Variants in TECRL observed in about 807,000 individuals in gnomAD.
TECRL encodes trans-2,3-enoyl-CoA reductase-like.
In TECRL, 63 loss-of-function variants were observed where a neutral mutation model predicts 52.8. The ratio of observed to expected loss-of-function variants is 1.19; its 90% confidence interval spans 0.97 to 1.47. TECRL has a LOEUF of 1.47. Among genes scored for constraint, TECRL ranks in the 40% most tolerant of loss-of-function variants. The pLI is 0.00. For synonymous variants in TECRL, 164 were observed against 141.9 expected (o/e 1.16, Z -1.10); for missense variants, 482 against 429.6 (o/e 1.12, Z -1.08).
At chr4:64,359,667 T>C (rs991809076) in intron 2 of TECRL, among the ~76,000 whole-genome samples, 6 of 152,016 alleles carry the variant, frequency 3.9e-5, no homozygotes, top group African/African-American at 1.2e-4. Flanking sequence ...TTTCATGCAC[T>C]TCAAGAATGA....
At chr4:64,343,461 T>C (rs1462703315) in intron 2 of TECRL, among the ~76,000 whole-genome samples, 1 of 152,088 alleles carries the variant, frequency 6.6e-6, no homozygotes, top group Non-Finnish European at 1.5e-5. Flanking sequence ...AAACATATTC[T>C]TACAGTCAAA....
intron 1 of TECRL, among the ~76,000 whole-genome samples, chr4:64,378,813 C>T (rs1312489596): frequency 1.3e-5 from 2 of 151,934 alleles, no homozygotes; most frequent in African/African-American, 4.8e-5. Context: ...GGTTTCTCTT[C>T]AGATCATATA....
chr4:64,289,497 G>A (rs921295576), intron 9 of TECRL, among the ~76,000 whole-genome samples: 1 of 152,152 alleles, frequency 6.6e-6, no homozygotes, highest in South Asian at 2.1e-4. Flanking sequence ...GAGGGTGATA[G>A]CGTGCATGCA....
At chr4:64,300,113 T>A in intron 7 of TECRL, 96 bp from the exon 8 acceptor site, 1 of 877,094 alleles carries the variant, frequency 1.1e-6, no homozygotes, top group Non-Finnish European at 1.7e-6. Flanking sequence ...GGGTATAAAT[T>A]CTATAATCAA....
At chr4:64,384,037 C>A (rs1723003201) in intron 1 of TECRL, among the ~76,000 whole-genome samples, 1 of 151,998 alleles carries the variant, frequency 6.6e-6, no homozygotes, top group South Asian at 2.1e-4. Flanking sequence ...GCTTAGGCTG[C>A]ACTTGTAGGT....
chr4:64,354,998 A>C (rs1014296356), intron 2 of TECRL, among the ~76,000 whole-genome samples: 1 of 152,208 alleles, frequency 6.6e-6, no homozygotes, highest in Non-Finnish European at 1.5e-5. Flanking sequence ...AGTAGAGTGG[A>C]AGTGAATATT....
At chr4:64,352,000 C>G (rs535059861) in intron 2 of TECRL, among the ~76,000 whole-genome samples, 8 of 80,838 alleles carry the variant, frequency 9.9e-5, no homozygotes, top group Non-Finnish European at 2.1e-4. Context: ...CTACCTAGCC[C>G]TGAAAAGAAA....
At chr4:64,285,669 T>C (rs1367976400) in intron 9 of TECRL, among the ~76,000 whole-genome samples, 4 of 152,100 alleles carry the variant, frequency 2.6e-5, no homozygotes, top group Non-Finnish European at 5.9e-5. Context: ...AATCAAAAGA[T>C]GAGAGTTCAC....
chr4:64,290,700 T>C (rs983578819), intron 8 of TECRL, among the ~76,000 whole-genome samples: 5 of 152,204 alleles, frequency 3.3e-5, no homozygotes, highest in African/African-American at 1.2e-4. Flanking sequence ...AAATAACTGG[T>C]ATATATTTCA....
intron 1 of TECRL, among the ~76,000 whole-genome samples, chr4:64,385,653 C>A (rs1015711156): frequency 6.6e-6 from 1 of 152,006 alleles, no homozygotes; most frequent in Non-Finnish European, 1.5e-5. Context: ...GGCCCCAAGG[C>A]AGGATATAAT....
chr4:64,297,488 G>A (rs1723754947), intron 8 of TECRL, among the ~76,000 whole-genome samples: 2 of 150,860 alleles, frequency 1.3e-5, no homozygotes, highest in Admixed American at 1.3e-4. Flanking sequence ...TGGTTGAATT[G>A]CATATTATAT....
In TECRL at chr4:64,409,221, C is replaced by T; in HGVS notation, c.131G>A (p.Gly44Asp). The T allele has an allele frequency of 1.9e-6, 3 of 1,612,798 alleles. No individual in the cohort carries two copies. The highest frequency in any genetic ancestry group is 2.2e-5 in the East Asian group (1 of 44,756). ...HFLSKLVLSAGPLRPTPAVKH... is the reference protein window; with the variant it reads ...HFLSKLVLSADPLRPTPAVKH... Reference sequence around the variant, plus strand: ...GACTGCTGGAGTTGGTCTTAGAGGGCCCGCTGAGAGTACAAGTTTTGACAA... The same window carrying T: ...GACTGCTGGAGTTGGTCTTAGAGGGTCCGCTGAGAGTACAAGTTTTGACAA... Residue 44 changes from glycine to aspartate, a missense_variant, in exon 1 of 12, where the codon GGC (glycine) becomes GAC (aspartate). By Grantham distance (94) the Gly-to-Asp change is moderately conservative. Coordinates refer to ENST00000381210, the MANE Select transcript of TECRL (RefSeq NM_001010874.5).
At chr4:64,342,270 T>A (rs1435345947) in intron 2 of TECRL, among the ~76,000 whole-genome samples, 1 of 152,140 alleles carries the variant, frequency 6.6e-6, no homozygotes, top group African/African-American at 2.4e-5. Context: ...TGTTGTGAAA[T>A]CTCCATGAGA....
intron 8 of TECRL, among the ~76,000 whole-genome samples, chr4:64,290,621 A>G (rs1394752751): frequency 6.6e-6 from 1 of 151,972 alleles, no homozygotes; most frequent in Non-Finnish European, 1.5e-5. Context: ...CTTTTCAACC[A>G]TTTCTGTATG....
At chr4:64,300,845 ATCT>A (rs1461589557) in intron 7 of TECRL, among the ~76,000 whole-genome samples, 1 of 151,042 alleles carries the variant, frequency 6.6e-6, no homozygotes, top group Non-Finnish European at 1.5e-5. Flanking sequence ...CGGTAATTGA[ATCT>A]TCATAATAAT....
chr4:64,328,542 G>T lies in TECRL; in HGVS notation c.301C>A (p.Pro101Thr). Residue 101 changes from proline to threonine, a missense_variant, in exon 3 of 12, where the codon CCT (proline) becomes ACT (threonine). Coordinates refer to ENST00000381210, the MANE Select transcript of TECRL (RefSeq NM_001010874.5). ...TCTAGCTGCAGACCAACTCGAGAAG[G>T]GTACCACTTTGGACCTATTCAATGA... is the stretch of plus-strand genomic sequence containing the variant. ...KFHKACPKWYPSRVGLQLECG... is the reference protein window; with the variant it reads ...KFHKACPKWYTSRVGLQLECG... 4 of 1,610,968 alleles carry T rather than the reference G, an allele frequency of 2.5e-6. No homozygotes were observed. Among genetic ancestry groups the T allele is most frequent in the Non-Finnish European group, 3.4e-6 (4 of 1,178,012 alleles).
At chr4:64,375,889 A>C (rs1414676917) in intron 1 of TECRL, among the ~76,000 whole-genome samples, 1 of 151,936 alleles carries the variant, frequency 6.6e-6, no homozygotes, top group African/African-American at 2.4e-5. Flanking sequence ...CTAAAGTTCC[A>C]TGCAAATACT....
chr4:64,278,806 T>G lies in TECRL; in HGVS notation c.*1266A>C, dbSNP rs1447564629. ...CCTGTAGTATCCTCTGTTTTATTTTTTACTTCTATGATATCAATTTTTTTA... is the reference window on the plus strand; with the variant it reads ...CCTGTAGTATCCTCTGTTTTATTTTGTACTTCTATGATATCAATTTTTTTA... On this transcript the variant is annotated 3_prime_UTR_variant, in exon 12 of 12. Transcript: ENST00000381210. The G allele has an allele frequency of 6.6e-6, 1 of 152,184 alleles. No individual in the cohort carries two copies. Among genetic ancestry groups the G allele is most frequent in the Non-Finnish European group, 1.5e-5 (1 of 68,022 alleles). The allele number at this position is 152,184 out of a possible 1,614,324, so 9.4% of individuals were successfully genotyped here.
chr4:64,290,880 A>C (rs550427725), intron 8 of TECRL, among the ~76,000 whole-genome samples: 2 of 152,182 alleles, frequency 1.3e-5, no homozygotes, highest in Non-Finnish European at 2.9e-5. Context: ...TCTGTATTTA[A>C]AGATCCAGAA....
Sources: allele counts gnomAD v4.1 joint callset (sites outside exome capture counted in the v4.1 genomes callset), GRCh38; gene constraint gnomAD v4.1.1; transcripts MANE v1.5; gene names NCBI Gene and HGNC (gene_info 2026-07-23, HGNC 2026-07-21).